The following DNAJC27 variants were observed in gnomAD, a reference collection of about 807,000 sequenced individuals.
DNAJC27 encodes the protein dnaJ homolog subfamily C member 27.
Under a neutral mutation model 31.4 loss-of-function variants are expected in DNAJC27, and 25 were observed. The observed-to-expected ratio is 0.80, with a 90% CI of 0.58 to 1.11. DNAJC27 has a LOEUF of 1.11. Ranked by LOEUF, DNAJC27 falls within the 50% of genes most tolerant of loss-of-function variation. DNAJC27 has a pLI of 0.00. For missense variants in DNAJC27, 356 were observed against 347.3 expected (o/e 1.02, Z -0.20); for synonymous variants, 106 against 112.7 (o/e 0.94, Z 0.37).
chr2:24,956,853 C>T (rs1035344566), intron 5 of DNAJC27, among the ~76,000 whole-genome samples, 190 bp downstream of exon 5: 3 of 152,212 alleles, frequency 2.0e-5, no homozygotes, highest in Non-Finnish European at 4.4e-5. Context: ...AGACAGCAGT[C>T]AGATCACTCA....
Position 24,966,194 on chromosome 2 carries a change from A to G in DNAJC27, c.170+1017T>C, listed in dbSNP as rs182664516. Among the ~76,000 whole-genome samples, 66 of 152,276 alleles carry G rather than the reference A, an allele frequency of 4.3e-4. 1 individual carries two copies. In the East Asian group the frequency reaches 0.012, roughly 29 times the overall value. On this transcript the variant is annotated intron_variant, in intron 2 of 6. Coordinates refer to ENST00000264711, the MANE Select transcript of DNAJC27 (RefSeq NM_016544.3). ...GCTGTTCCAAGTGGACAGGCTGGAT[A>G]ATGGTGCTGAGGTAGAAAGTCTGAG...
rs1665629292 is a variant in DNAJC27, at chr2:24,945,588, C to G, written c.*2028G>C. 6.6e-6 allele frequency: 1 copy of G among 152,190 alleles called. No homozygotes were observed. The highest frequency in any genetic ancestry group is 1.5e-5 in the Non-Finnish European group (1 of 68,034). 9.4% of individuals were successfully genotyped at this position (152,190 alleles called of 1,614,324 possible). ...CATTCTGCTGTGAGGACAGACATGT[C>G]TGAGTGCTTTCAGCATGATAAAGGC... is the stretch of plus-strand genomic sequence containing the variant. On this transcript the variant is annotated 3_prime_UTR_variant, in exon 7 of 7. Transcript: ENST00000264711.
At chr2:24,955,751 T>C (rs915238022) in intron 5 of DNAJC27, among the ~76,000 whole-genome samples, 3 of 152,180 alleles carry the variant, frequency 2.0e-5, no homozygotes, top group African/African-American at 7.2e-5. Flanking sequence ...TGACACACAA[T>C]GGAGGCCAGA....
At chr2:24,950,230 G>A (rs1573107346) in intron 6 of DNAJC27, among the ~76,000 whole-genome samples, 3 of 152,152 alleles carry the variant, frequency 2.0e-5, no homozygotes, top group East Asian at 3.9e-4. Flanking sequence ...TCCCTTCCCC[G>A]CTTTCCTTCT....
chr2:24,965,557 GAAATGTGAATTTC>G (rs1305101277), intron 2 of DNAJC27, among the ~76,000 whole-genome samples: 7 of 152,174 alleles, frequency 4.6e-5, no homozygotes, highest in African/African-American at 9.7e-5. Flanking sequence ...TGCCAAGCCA[GAAATGTGAATTTC>G]AAATGAAGAG....
chr2:24,967,319 T>G, intron 1 of DNAJC27, 26 bp from the exon 2 acceptor site: 1 of 1,431,800 alleles, frequency 7.0e-7, no homozygotes, highest in South Asian at 1.1e-5. Context: ...ATACAGGCAT[T>G]TAGTAAATAC....
intron 3 of DNAJC27, among the ~76,000 whole-genome samples, chr2:24,958,964 T>C (rs1665976730): frequency 1.3e-5 from 2 of 152,222 alleles, no homozygotes; most frequent in African/African-American, 4.8e-5. Context: ...AAACATGTTA[T>C]ACACATCGGG....
Position 24,945,523 on chromosome 2 carries a change from T to C in DNAJC27, c.*2093A>G, listed in dbSNP as rs1159945097. On this transcript the variant is annotated 3_prime_UTR_variant, in exon 7 of 7. Coordinates refer to ENST00000264711, the MANE Select transcript of DNAJC27 (RefSeq NM_016544.3). ...TCAGAGTTGTCGTGTCAATTCGGGC[T>C]GACGCTACCGTGCACGATCCCTCAT... 1 of 152,236 alleles carries C rather than the reference T, an allele frequency of 6.6e-6. No individual in the cohort carries two copies. The highest frequency in any genetic ancestry group is 1.5e-5 in the Non-Finnish European group (1 of 68,034). The allele number at this position is 152,236 out of a possible 1,614,324, so 9.4% of individuals were successfully genotyped here. A position where few individuals can be genotyped will look rare whatever the true frequency, so the allele number is the denominator to read the frequency against.
At chr2:24,953,988 C>G (rs1278276740) in intron 5 of DNAJC27, among the ~76,000 whole-genome samples, 1 of 152,236 alleles carries the variant, frequency 6.6e-6, no homozygotes, top group Non-Finnish European at 1.5e-5. Flanking sequence ...GAGAGATAAG[C>G]CCCCCAATCA....
rs2149118157 is a variant in DNAJC27, at chr2:24,945,365, T to C, written c.*2251A>G. ...AATTTCACCAACTCACACATAAGGATATGAGTGGGAGCACTAATGAATTTT... is the reference window on the plus strand; with the variant it reads ...AATTTCACCAACTCACACATAAGGACATGAGTGGGAGCACTAATGAATTTT... On this transcript the variant is annotated 3_prime_UTR_variant, in exon 7 of 7. Transcript: ENST00000264711. 6.6e-6 allele frequency: 1 copy of C among 152,306 alleles called. No individual in the cohort carries two copies. The highest frequency in any genetic ancestry group is 2.1e-4 in the South Asian group (1 of 4,822). The allele number at this position is 152,306 out of a possible 1,614,324, so 9.4% of individuals were successfully genotyped here. A position where few individuals can be genotyped will look rare whatever the true frequency, so the allele number is the denominator to read the frequency against.
chr2:24,953,080 GC>G (rs1259793945), intron 5 of DNAJC27, among the ~76,000 whole-genome samples: 1 of 151,858 alleles, frequency 6.6e-6, no homozygotes, highest in Non-Finnish European at 1.5e-5. Context: ...TTAGGTGAAA[GC>G]TTTTTTGACC....
intron 3 of DNAJC27, among the ~76,000 whole-genome samples, chr2:24,962,900 G>A (rs1666084243): frequency 6.6e-6 from 1 of 152,136 alleles, no homozygotes; most frequent in African/African-American, 2.4e-5. Context: ...GCCCAAGGAA[G>A]GAAAAACAAA....
chr2:24,962,041 A>C (rs1558554770), intron 3 of DNAJC27, among the ~76,000 whole-genome samples: 2 of 152,158 alleles, frequency 1.3e-5, no homozygotes, highest in Non-Finnish European at 2.9e-5. Context: ...AATGTGCCAA[A>C]CTTTATTGTT....
At chr2:24,967,132 C>G (rs1666204733) in intron 2 of DNAJC27, 79 bp downstream of exon 2, 4 of 1,057,744 alleles carry the variant, frequency 3.8e-6, no homozygotes, top group Non-Finnish European at 5.8e-6. Context: ...TACACAAGAG[C>G]ACTGATGCAA....
intron 3 of DNAJC27, among the ~76,000 whole-genome samples, chr2:24,962,934 TG>T (rs1191669114): frequency 2.6e-5 from 4 of 152,192 alleles, no homozygotes; most frequent in Admixed American, 2.6e-4. Context: ...GAGATTCATT[TG>T]GTGATTACTT....
Position 24,957,146 on chromosome 2 carries a change from C to A in DNAJC27, c.425G>T (p.Arg142Leu), listed in dbSNP as rs753741630. 6.2e-7 allele frequency: 1 copy of A among 1,604,392 alleles called. No homozygotes were observed. Among genetic ancestry groups the A allele is most frequent in the East Asian group, 2.2e-5 (1 of 44,652 alleles). Reference protein sequence around the residue: ...CANKIDCTKHRCVDESEGRLW... With the variant: ...CANKIDCTKHLCVDESEGRLW... The stretch of plus-strand genomic sequence containing the variant: ...ACGTCCTTCACTTTCATCTACACAG[C>A]GATGTTTGGTACAATCAATCTGAAA... The change falls in exon 5 of 7, where the codon CGC becomes CTC. Residue 142 changes from arginine (R) to leucine (L), a missense_variant. Coordinates refer to ENST00000264711, the MANE Select transcript of DNAJC27 (RefSeq NM_016544.3).
intron 2 of DNAJC27, among the ~76,000 whole-genome samples, chr2:24,965,921 G>A (rs546625644): frequency 3.2e-4 from 48 of 152,138 alleles, no homozygotes; most frequent in Non-Finnish European, 7.1e-4. Flanking sequence ...TTAGGTATAA[G>A]CACTATGCCA....
intron 4 of DNAJC27, 56 bp downstream of exon 4, chr2:24,957,754 C>T (rs1665942395): frequency 4.0e-6 from 6 of 1,505,864 alleles, no homozygotes; most frequent in Non-Finnish European, 5.5e-6. Context: ...TTTCCCAACA[C>T]TCAAAGCTCC....
chr2:24,954,666 G>GGT lies in DNAJC27; in HGVS notation c.528+2375_528+2376dup, dbSNP rs757951946. Among the ~76,000 whole-genome samples the GGT allele has an allele frequency of 7.9e-4, 121 of 152,316 alleles. 1 individual carries two copies. Among genetic ancestry groups the GGT allele is most frequent in the South Asian group, 2.9e-3 (14 of 4,818 alleles). ...AAGAATCAATAGTCAGGCTGGGTGCGGTGGCTCATGCCTGTAATCCCAGCA... is the reference window on the plus strand; with the variant it reads ...AAGAATCAATAGTCAGGCTGGGTGCGGTGTGGCTCATGCCTGTAATCCCAGCA... On this transcript the variant is annotated intron_variant, in intron 5 of 6. Transcript: ENST00000264711.
Sources: gnomAD v4.1 joint callset for allele counts (sites outside exome capture counted in the v4.1 genomes callset) on GRCh38, gnomAD v4.1.1 for gene constraint, MANE v1.5 for transcripts, NCBI Gene and HGNC (gene_info 2026-07-23, HGNC 2026-07-21) for gene names.